STUM: variants seen among roughly 807,000 people sequenced by gnomAD.
STUM encodes the protein protein stum homolog.
A neutral mutation model predicts 15.3 loss-of-function variants in STUM; 8 were observed. That is an observed-to-expected ratio of 0.52 (90% CI 0.31 to 0.94). STUM has a LOEUF of 0.94. Among genes scored for constraint, STUM ranks in the 40% least tolerant of loss-of-function variants. The pLI is 0.05. For synonymous variants in STUM, 78 were observed against 88.7 expected (o/e 0.88, Z 0.68); for missense variants, 142 against 204.9 (o/e 0.69, Z 1.87).
intron 1 of STUM, among the ~76,000 whole-genome samples, chr1:226,575,082 C>A (rs149239326): frequency 2.6e-5 from 4 of 152,142 alleles, no homozygotes; most frequent in Non-Finnish European, 4.4e-5. Flanking sequence ...TAGGTGCTAG[C>A]GGGAGGAGAG....
intron 1 of STUM, among the ~76,000 whole-genome samples, chr1:226,558,513 G>C (rs970613722): frequency 1.3e-5 from 2 of 152,174 alleles, no homozygotes; most frequent in East Asian, 3.9e-4. Flanking sequence ...GGCTTGAAGG[G>C]GAAGGGCACA....
rs1667328871 is a variant in STUM at position 226,549,226 on chromosome 1, C to T, written c.202+120C>T. 3.6e-6 allele frequency: 3 copies of T among 824,750 alleles called. No individual in the cohort carries two copies. Among genetic ancestry groups the T allele is most frequent in the African/African-American group, 3.7e-5 (2 of 54,658 alleles). The allele number at this position is 824,750 out of a possible 1,614,324, so 51.1% of individuals were successfully genotyped here. On this transcript the variant is annotated intron_variant, in intron 1 of 3. Coordinates refer to ENST00000366788, the MANE Select transcript of STUM (RefSeq NM_001003665.4). This position sits in a 1 kb window ranked among gnomAD's most constrained non-coding sequence, Gnocchi z 6.8. ...CCGCGCGCTCCAAGTGCTGCGACCA[C>T]GCGCCACCGCCCGCTCCTGGCGTCC...
In STUM at chr1:226,579,624, A is replaced by ATTTCTT. The variant is rs1330307760; in HGVS notation, c.203-17157_203-17152dup. Among the ~76,000 whole-genome samples the ATTTCTT allele has an allele frequency of 6.7e-5, 5 of 75,050 alleles. 1 individual carries two copies. The highest frequency in any genetic ancestry group is 1.0e-4 in the Non-Finnish European group (4 of 38,416). 49.2% of individuals were successfully genotyped at this position (75,050 alleles called of 152,430 possible). A position where few individuals can be genotyped will look rare whatever the true frequency, so the allele number is the denominator to read the frequency against. The stretch of plus-strand genomic sequence containing the variant: ...AGGGAGACCAACTTGGGAAGGCCTT[A>ATTTCTT]TTTCTTTTTCTTTTTCTTTTTCTTT... On this transcript the variant is annotated intron_variant, in intron 1 of 3. Transcript: ENST00000366788.
intron 2 of STUM, chr1:226,597,364 T>C (rs757495538): frequency 1.0e-5 from 5 of 478,464 alleles, no homozygotes; most frequent in Admixed American, 2.3e-5. Context: ...TTTAAGCAGC[T>C]GTGCATGTCT....
intron 1 of STUM, among the ~76,000 whole-genome samples, chr1:226,591,270 T>G (rs1668081030): frequency 6.6e-6 from 1 of 152,202 alleles, no homozygotes; most frequent in Non-Finnish European, 1.5e-5. Flanking sequence ...GTTTCCTTAT[T>G]AGTGATATCT....
rs1289213842 is a variant in STUM at position 226,549,596 on chromosome 1, A to T, written c.202+490A>T. On this transcript the variant is annotated intron_variant, in intron 1 of 3. Coordinates refer to ENST00000366788, the MANE Select transcript of STUM (RefSeq NM_001003665.4). The surrounding 1 kb of genome is among the most constrained non-coding windows in gnomAD (Gnocchi z 6.8). ...AAAGAGGACGAGCCGGGCTAGATAT[A>T]CCTGCAGCCCCCTTTGGTTCGCGGA... is the stretch of plus-strand genomic sequence containing the variant. Among the ~76,000 whole-genome samples, 1 of 152,114 alleles carries T rather than the reference A, an allele frequency of 6.6e-6. No individual in the cohort carries two copies. Among genetic ancestry groups the T allele is most frequent in the Non-Finnish European group, 1.5e-5 (1 of 68,030 alleles).
rs1221966769 is a variant in STUM at position 226,604,078 on chromosome 1, C to T, written c.*2038C>T. On this transcript the variant is annotated 3_prime_UTR_variant, in exon 4 of 4. Coordinates refer to ENST00000366788, the MANE Select transcript of STUM (RefSeq NM_001003665.4). The surrounding 1 kb of genome is among the most constrained non-coding windows in gnomAD (Gnocchi z 4.7). ...ATGCCCACCAGCCCACAGCCCTTCA[C>T]CCCACACAGCCCCCAGAGTTTGCCC... The T allele has an allele frequency of 2.6e-5, 4 of 152,430 alleles. No individual in the cohort carries two copies. The East Asian group carries it at 7.7e-4, about 29-fold the overall frequency. The allele number at this position is 152,430 out of a possible 1,614,324, so 9.4% of individuals were successfully genotyped here.
At chr1:226,571,237 A>G (rs1185889093) in intron 1 of STUM, among the ~76,000 whole-genome samples, 1 of 152,040 alleles carries the variant, frequency 6.6e-6, no homozygotes, top group Non-Finnish European at 1.5e-5. Flanking sequence ...TGTCTCAAAA[A>G]CAAAACAAAA....
At chr1:226,555,310 C>G (rs965442598) in intron 1 of STUM, among the ~76,000 whole-genome samples, 2 of 152,182 alleles carry the variant, frequency 1.3e-5, no homozygotes, top group African/African-American at 2.4e-5. Context: ...GGCCTCTTCC[C>G]TGAACTCTTG....
At chr1:226,597,538 G>A (rs74139707) in intron 2 of STUM, 17 of 458,590 alleles carry the variant, frequency 3.7e-5, no homozygotes, top group African/African-American at 1.2e-4. Context: ...AGCTGGGATC[G>A]TCAGTGTCAG....
intron 1 of STUM, among the ~76,000 whole-genome samples, chr1:226,571,001 C>G (rs988554310): frequency 2.0e-5 from 3 of 152,070 alleles, no homozygotes; most frequent in Non-Finnish European, 2.9e-5. Context: ...GAGGCCGAGG[C>G]GGGAGGATCA....
In STUM at chr1:226,549,856, C is replaced by G. The variant is rs1166114665; in HGVS notation, c.202+750C>G. The stretch of plus-strand genomic sequence containing the variant: ...AGGACTCCGGCAGCCGGCAGGGGTT[C>G]TGGTGGCATCTATGTCCCACGTTTT... On this transcript the variant is annotated intron_variant, in intron 1 of 3. Transcript: ENST00000366788. The surrounding 1 kb of genome is among the most constrained non-coding windows in gnomAD (Gnocchi z 6.8). Among the ~76,000 whole-genome samples the G allele has an allele frequency of 6.6e-6, 1 of 152,240 alleles. No individual in the cohort carries two copies. Among genetic ancestry groups the G allele is most frequent in the African/African-American group, 2.4e-5 (1 of 41,464 alleles).
chr1:226,561,974 G>A (rs1667548635), intron 1 of STUM, among the ~76,000 whole-genome samples: 1 of 149,120 alleles, frequency 6.7e-6, no homozygotes, highest in South Asian at 2.2e-4. Flanking sequence ...TCCACAGTGG[G>A]CAAATCTGTA....
At chr1:226,597,520 C>T (rs528781863) in intron 2 of STUM, 17 of 466,306 alleles carry the variant, frequency 3.6e-5, no homozygotes, top group African/African-American at 2.6e-4. Context: ...CCCCCCAAAA[C>T]CATTCATAGC....
intron 1 of STUM, among the ~76,000 whole-genome samples, chr1:226,553,603 CA>C (rs1667402581): frequency 6.6e-6 from 1 of 152,142 alleles, no homozygotes; most frequent in Non-Finnish European, 1.5e-5. Flanking sequence ...TCTGGAAAAA[CA>C]AAACATTTCT....
In STUM at chr1:226,552,545, T is replaced by C. The variant is rs1667389127; in HGVS notation, c.202+3439T>C. ...TTATATTTAAAAATTATATCTATCT[T>C]GATTTGGTGAAACGAAAATGTTGAT... On this transcript the variant is annotated intron_variant, in intron 1 of 3. Coordinates refer to ENST00000366788, the MANE Select transcript of STUM (RefSeq NM_001003665.4). This position sits in a 1 kb window ranked among gnomAD's most constrained non-coding sequence, Gnocchi z 4.7. Among the ~76,000 whole-genome samples, 1 of 152,204 alleles carries C rather than the reference T, an allele frequency of 6.6e-6. No homozygotes were observed. Among genetic ancestry groups the C allele is most frequent in the African/African-American group, 2.4e-5 (1 of 41,436 alleles).
Position 226,600,525 on chromosome 1 carries a change from CT to C in STUM, c.383-140del, listed in dbSNP as rs1314430692. 5.0e-6 allele frequency: 5 copies of C among 999,174 alleles called. No homozygotes were observed. Among genetic ancestry groups the C allele is most frequent in the Non-Finnish European group, 7.7e-6 (5 of 648,914 alleles). The allele number at this position is 999,174 out of a possible 1,614,324, so 61.9% of individuals were successfully genotyped here. A position where few individuals can be genotyped will look rare whatever the true frequency, so the allele number is the denominator to read the frequency against. On this transcript the variant is annotated intron_variant, in intron 2 of 3. Coordinates refer to ENST00000366788, the MANE Select transcript of STUM (RefSeq NM_001003665.4). This position sits in a 1 kb window ranked among gnomAD's most constrained non-coding sequence, Gnocchi z 5.2. ...GTCTGAGAAGCCACTGGCATGGCCC[CT>C]GTCCCATCTCCCAGGCCTCACCATG...
rs1668374753 is a variant in STUM, at chr1:226,607,112, G to A, written c.*5072G>A. On this transcript the variant is annotated 3_prime_UTR_variant, in exon 4 of 4. Coordinates refer to ENST00000366788, the MANE Select transcript of STUM (RefSeq NM_001003665.4). ...CAGCCTGGTCAGGGGAGGTGACTGT[G>A]GTCCTTCTGACCAGCTTGGATCTTT... The A allele has an allele frequency of 6.6e-6, 1 of 152,404 alleles. No homozygotes were observed. Among genetic ancestry groups the A allele is most frequent in the African/African-American group, 2.4e-5 (1 of 41,446 alleles). 9.4% of individuals were successfully genotyped at this position (152,404 alleles called of 1,614,324 possible). A position where few individuals can be genotyped will look rare whatever the true frequency, so the allele number is the denominator to read the frequency against.
chr1:226,584,726 A>C (rs1038852280), intron 1 of STUM, among the ~76,000 whole-genome samples: 11 of 152,182 alleles, frequency 7.2e-5, no homozygotes, highest in African/African-American at 2.2e-4. Flanking sequence ...GCAGAGTCCC[A>C]TGGCATCATT....
Sources: allele counts gnomAD v4.1 joint callset (sites outside exome capture counted in the v4.1 genomes callset), GRCh38; gene constraint gnomAD v4.1.1; non-coding constraint Gnocchi (gnomAD v3.1); transcripts MANE v1.5; gene names NCBI Gene and HGNC (gene_info 2026-07-23, HGNC 2026-07-21).